Variants in ZNF653 observed in about 807,000 individuals in gnomAD.
ZNF653 encodes the protein zinc finger protein 653.
A neutral mutation model predicts 59.9 loss-of-function variants in ZNF653; 37 were observed. That is an observed-to-expected ratio of 0.62 (90% confidence interval 0.48 to 0.81). The LOEUF (loss-of-function observed/expected upper bound fraction) is 0.81, where lower values mean the gene tolerates loss of function less well. Among genes scored for constraint, ZNF653 ranks in the 40% least tolerant of loss-of-function variants. ZNF653 has a pLI of 0.00. For synonymous variants in ZNF653, 435 were observed against 371.8 expected, an observed-to-expected ratio of 1.17 and a Z score of -1.96; for missense variants, 808 against 881.1, an observed-to-expected ratio of 0.92 and a Z score of 1.05.
At chr19:11,483,929 G>T in intron 8 of ZNF653, 70 bp from the exon 9 acceptor site, 1 of 1,516,212 alleles carries the variant, frequency 6.6e-7, no homozygotes, top group Non-Finnish European at 8.8e-7. Context: ...CTACAAGGCC[G>T]AGCGCAGGTG....
intron 3 of ZNF653, among the ~76,000 whole-genome samples, chr19:11,492,519 A>AT (rs1053298997): frequency 1.6e-4 from 24 of 151,308 alleles, no homozygotes; most frequent in African/African-American, 5.1e-4. Flanking sequence ...TAACTTTTTC[A>AT]TTTTTTTGCT....
rs745500018 is a variant in ZNF653, at chr19:11,487,788, C to G, written c.675G>C (p.Ala225=). 2 of 1,604,408 alleles carry G rather than the reference C, an allele frequency of 1.2e-6. No homozygotes were observed. Among genetic ancestry groups the G allele is most frequent in the Non-Finnish European group, 8.5e-7 (1 of 1,177,836 alleles). ...PVKAAAAAAA[A]TPTSPVGSSG... ...TGCTGCCCACCGGGCTGGTGGGCGT[C>G]GCTGCCGCTGCCGCTGCCGCAGCCT... The change falls in exon 4 of 9, where the codon GCG becomes GCC. Residue 225 remains alanine (A), a synonymous_variant. Coordinates refer to ENST00000293771, the MANE Select transcript of ZNF653 (RefSeq NM_138783.4). The surrounding 1 kb of genome is among the most constrained non-coding windows in gnomAD (Gnocchi z 5.1).
At chr19:11,488,362 G>T (rs1015051120) in intron 3 of ZNF653, among the ~76,000 whole-genome samples, 1 of 151,764 alleles carries the variant, frequency 6.6e-6, no homozygotes, top group Non-Finnish European at 1.5e-5. Flanking sequence ...GGATGGTCTC[G>T]ATCTCCTGAC....
intron 1 of ZNF653, chr19:11,505,242 A>C: frequency 2.3e-6 from 1 of 432,962 alleles, no homozygotes; most frequent in Non-Finnish European, 4.1e-6. Flanking sequence ...GGGCGGGGCC[A>C]AGCGCTCAGA....
rs1169757272 is a variant in ZNF653 at position 11,495,392 on chromosome 19, G to C, written c.559+558C>G. On this transcript the variant is annotated intron_variant, in intron 3 of 8. Coordinates refer to ENST00000293771, the MANE Select transcript of ZNF653 (RefSeq NM_138783.4). The surrounding 1 kb of genome is among the most constrained non-coding windows in gnomAD (Gnocchi z 4.9). Reference sequence around the variant, plus strand: ...AAAATGAAAGATCAAGGAAGGAGGAGACAGAGGCAGCTCAAGGGAGGAGAA... The same window carrying C: ...AAAATGAAAGATCAAGGAAGGAGGACACAGAGGCAGCTCAAGGGAGGAGAA... Among the ~76,000 whole-genome samples, 1 of 152,066 alleles carries C rather than the reference G, an allele frequency of 6.6e-6. No homozygotes were observed. Among genetic ancestry groups the C allele is most frequent in the Non-Finnish European group, 1.5e-5 (1 of 68,002 alleles).
In ZNF653 at chr19:11,493,282, T is replaced by C. The variant is rs894765056; in HGVS notation, c.559+2668A>G. On this transcript the variant is annotated intron_variant, in intron 3 of 8. Transcript: ENST00000293771. ...CATGTTGGCCAGGCTGGTCTTGAGC[T>C]CCTGGTCTCAAGTGATCCACCTGCC... Among the ~76,000 whole-genome samples, 5 of 151,880 alleles carry C rather than the reference T, an allele frequency of 3.3e-5. No individual in the cohort carries two copies. The South Asian group carries it at 1.0e-3, about 32-fold the overall frequency.
chr19:11,503,633 C>T (rs570964815), intron 1 of ZNF653, among the ~76,000 whole-genome samples: 25 of 151,802 alleles, frequency 1.6e-4, no homozygotes, highest in Non-Finnish European at 3.2e-4. Flanking sequence ...ATGGCGAGAC[C>T]CCCATCTCCA....
At position 11,487,054 on chromosome 19, in the gene ZNF653, C is replaced by A; in HGVS notation, c.1276G>T (p.Asp426Tyr). ...TCGCTGCCGTCCAGCTCCTCCCCGTCCGCCTCTGCCTCAGGCTCTGCGCTC... is the reference window on the plus strand; with the variant it reads ...TCGCTGCCGTCCAGCTCCTCCCCGTACGCCTCTGCCTCAGGCTCTGCGCTC... Reference protein sequence around the residue: ...PESAEPEAEADGEELDGSDMS... With the variant: ...PESAEPEAEAYGEELDGSDMS... The change falls in exon 5 of 9, where the codon GAC (aspartate) becomes TAC (tyrosine). Residue 426 changes from aspartate (D) to tyrosine (Y), a missense_variant. Transcript: ENST00000293771. This position sits in a 1 kb window ranked among gnomAD's most constrained non-coding sequence, Gnocchi z 5.1. 1 of 1,614,154 alleles carries A rather than the reference C, an allele frequency of 6.2e-7. No homozygotes were observed. The highest frequency in any genetic ancestry group is 8.5e-7 in the Non-Finnish European group (1 of 1,180,004).
Position 11,483,500 on chromosome 19 carries a change from C to T in ZNF653, c.*182G>A, listed in dbSNP as rs1276975390. 2 of 1,399,402 alleles carry T rather than the reference C, an allele frequency of 1.4e-6. No individual in the cohort carries two copies. Among genetic ancestry groups the T allele is most frequent in the Admixed American group, 3.2e-5 (1 of 31,596 alleles). The allele number at this position is 1,399,402 out of a possible 1,614,324, so 86.7% of individuals were successfully genotyped here. On this transcript the variant is annotated 3_prime_UTR_variant, in exon 9 of 9. Coordinates refer to ENST00000293771, the MANE Select transcript of ZNF653 (RefSeq NM_138783.4). ...AGCAATGCAGCCCCAGGCACCAGCT[C>T]CGAGAAGGATGCGGTGGGGCGGGGT...
Position 11,485,647 on chromosome 19 carries a change from G to T in ZNF653, c.1570+9C>A, listed in dbSNP as rs1971458073. ...CCCGCTCATGCTGCCAGCTGGCCCA[G>T]GGCCTGACCTGAATGGATGATCATG... is the stretch of plus-strand genomic sequence containing the variant. On this transcript the variant is annotated intron_variant, in intron 7 of 8. Transcript: ENST00000293771. 6.2e-7 allele frequency: 1 copy of T among 1,611,208 alleles called. No individual in the cohort carries two copies. The highest frequency in any genetic ancestry group is 1.3e-5 in the African/African-American group (1 of 74,868).
At chr19:11,488,874 G>A (rs190978638) in intron 3 of ZNF653, among the ~76,000 whole-genome samples, 3,716 of 150,728 alleles carry the variant, frequency 0.025, 83 homozygotes, top group Middle Eastern at 0.036. Context: ...GGGATTACAG[G>A]CATGAGCCAC....
chr19:11,489,830 G>C (rs1372451280), intron 3 of ZNF653, among the ~76,000 whole-genome samples: 1 of 152,134 alleles, frequency 6.6e-6, no homozygotes, highest in Non-Finnish European at 1.5e-5. Context: ...GCCCTTCCTG[G>C]TGGCTCCTTC....
At chr19:11,485,600 C>T in intron 7 of ZNF653, 56 bp downstream of exon 7, 1 of 1,466,944 alleles carries the variant, frequency 6.8e-7, no homozygotes, top group Non-Finnish European at 9.5e-7. Context: ...GCCCAGGCTC[C>T]CAGGCCCATG....
In ZNF653 at chr19:11,495,936, C is replaced by T; in HGVS notation, c.559+14G>A. ...ATGGGCGGCCCCCTATGTGCCCTCG[C>T]CCTGCAGACCTACCTTTGTCACTGT... is the stretch of plus-strand genomic sequence containing the variant. On this transcript the variant is annotated intron_variant, in intron 3 of 8. Coordinates refer to ENST00000293771, the MANE Select transcript of ZNF653 (RefSeq NM_138783.4). This position sits in a 1 kb window ranked among gnomAD's most constrained non-coding sequence, Gnocchi z 4.9. The T allele has an allele frequency of 1.9e-6, 3 of 1,612,286 alleles. No homozygotes were observed. The highest frequency in any genetic ancestry group is 2.5e-6 in the Non-Finnish European group (3 of 1,179,350).
chr19:11,493,423 G>A (rs987715025), intron 3 of ZNF653, among the ~76,000 whole-genome samples: 7 of 152,174 alleles, frequency 4.6e-5, no homozygotes, highest in Non-Finnish European at 8.8e-5. Flanking sequence ...TTAAAAGTAT[G>A]TACCCTGTAA....
intron 3 of ZNF653, among the ~76,000 whole-genome samples, chr19:11,491,627 G>A (rs934198255): frequency 6.7e-6 from 1 of 150,134 alleles, no homozygotes; most frequent in Non-Finnish European, 1.5e-5. Flanking sequence ...TCGCTCTGTC[G>A]CCCAGGCTGG....
At chr19:11,502,581 A>G (rs1207438269) in intron 1 of ZNF653, among the ~76,000 whole-genome samples, 1 of 152,154 alleles carries the variant, frequency 6.6e-6, no homozygotes, top group Non-Finnish European at 1.5e-5. Flanking sequence ...TTGTAGTCCC[A>G]GCTACTCTGG....
At chr19:11,498,097 C>T (rs887108881) in intron 2 of ZNF653, among the ~76,000 whole-genome samples, 199 bp downstream of exon 2, 1 of 152,228 alleles carries the variant, frequency 6.6e-6, no homozygotes, top group Non-Finnish European at 1.5e-5. Context: ...TGGCTGACTC[C>T]CATGCCGGGA....
At chr19:11,485,608 A>G (rs759710470) in intron 7 of ZNF653, 48 bp downstream of exon 7, 2 of 1,512,378 alleles carry the variant, frequency 1.3e-6, no homozygotes, top group Admixed American at 1.7e-5. Flanking sequence ...TCCCAGGCCC[A>G]TGTCCCTGTG....
Sources: allele counts gnomAD v4.1 joint callset (sites outside exome capture counted in the v4.1 genomes callset), GRCh38; gene constraint gnomAD v4.1.1; non-coding constraint Gnocchi (gnomAD v3.1); transcripts MANE v1.5; gene names NCBI Gene and HGNC (gene_info 2026-07-23, HGNC 2026-07-21).